The following BMPR1A variants were observed in gnomAD, a reference collection of about 807,000 sequenced individuals.
BMPR1A encodes bone morphogenetic protein receptor type-1A.
A neutral mutation model predicts 66.0 loss-of-function variants in BMPR1A; 7 were observed. The ratio of observed to expected loss-of-function variants is 0.11; its 90% CI spans 0.06 to 0.20. The LOEUF (loss-of-function observed/expected upper bound fraction) is 0.20. BMPR1A is among the 10% of genes least tolerant of loss of function. The pLI is 1.00. For synonymous variants in BMPR1A, 200 were observed against 229.7 expected (o/e 0.87, Z 1.17); for missense variants, 408 against 669.1 (o/e 0.61, Z 4.31).
At chr10:86,774,540 A>G (rs1185678387) in intron 1 of BMPR1A, among the ~76,000 whole-genome samples, 1 of 152,190 alleles carries the variant, frequency 6.6e-6, no homozygotes, top group East Asian at 1.9e-4. Context: ...ATTTTACACA[A>G]AGATTTTTAG....
At chr10:86,900,604 T>C (rs551761072) in intron 7 of BMPR1A, among the ~76,000 whole-genome samples, 2 of 152,240 alleles carry the variant, frequency 1.3e-5, no homozygotes, top group East Asian at 3.9e-4. Flanking sequence ...TGAAACAAGT[T>C]AGTAAACCCA....
At chr10:86,823,128 A>T (rs574824875) in intron 1 of BMPR1A, among the ~76,000 whole-genome samples, 4 of 152,182 alleles carry the variant, frequency 2.6e-5, no homozygotes, top group Admixed American at 2.6e-4. Context: ...GTTTGATGCT[A>T]TTATTAGGCA....
chr10:86,812,111 T>C (rs1841980269), intron 1 of BMPR1A, among the ~76,000 whole-genome samples: 1 of 151,830 alleles, frequency 6.6e-6, no homozygotes, highest in African/African-American at 2.4e-5. Flanking sequence ...TACAGTTCTA[T>C]GAATTTTAAC....
chr10:86,917,068 C>A (rs941664083), intron 8 of BMPR1A, 66 bp from the exon 9 acceptor site: 2 of 1,535,738 alleles, frequency 1.3e-6, no homozygotes, highest in East Asian at 4.7e-5. Flanking sequence ...AGATGGACTA[C>A]CCCTTTGCCA....
intron 2 of BMPR1A, among the ~76,000 whole-genome samples, chr10:86,869,447 AC>A (rs1475374719): frequency 1.5e-5 from 2 of 130,904 alleles, no homozygotes; most frequent in Non-Finnish European, 3.1e-5. Context: ...ACAGAGCAAG[AC>A]TCTGTCTCAA....
At chr10:86,813,127 T>C (rs1052478310) in intron 1 of BMPR1A, among the ~76,000 whole-genome samples, 2 of 152,234 alleles carry the variant, frequency 1.3e-5, no homozygotes, top group Non-Finnish European at 2.9e-5. Flanking sequence ...TTTTTGTTTT[T>C]TGAATTGTTA....
chr10:86,769,095 T>G (rs1564678196), intron 1 of BMPR1A, among the ~76,000 whole-genome samples: 3 of 152,252 alleles, frequency 2.0e-5, no homozygotes, highest in Non-Finnish European at 4.4e-5. Flanking sequence ...TTATTTTAGC[T>G]TCCATGTTAA....
At chr10:86,797,231 A>ATTTT (rs1236270338) in intron 1 of BMPR1A, among the ~76,000 whole-genome samples, 1 of 83,776 alleles carries the variant, frequency 1.2e-5, no homozygotes, top group Non-Finnish European at 2.6e-5. Context: ...AGCCCGGCTA[A>ATTTT]TTTTTTTTTT....
At chr10:86,810,162 G>A (rs889081467) in intron 1 of BMPR1A, among the ~76,000 whole-genome samples, 10 of 151,644 alleles carry the variant, frequency 6.6e-5, no homozygotes, top group Non-Finnish European at 1.5e-4. Flanking sequence ...TTATTTTTTA[G>A]TAGAGACAGG....
At chr10:86,763,533 C>CA (rs1474218429) in intron 1 of BMPR1A, among the ~76,000 whole-genome samples, 1 of 152,118 alleles carries the variant, frequency 6.6e-6, no homozygotes, top group Non-Finnish European at 1.5e-5. Context: ...AATTGAAGGT[C>CA]ATATAATGCT....
intron 2 of BMPR1A, among the ~76,000 whole-genome samples, chr10:86,858,387 T>A (rs1039903860): frequency 2.0e-5 from 3 of 152,208 alleles, no homozygotes; most frequent in African/African-American, 7.2e-5. Context: ...ATTGTGTTTA[T>A]ATCAGTGTTT....
chr10:86,919,143 C>T (rs1457141966), intron 9 of BMPR1A, 29 bp from the exon 10 acceptor site: 1 of 1,613,330 alleles, frequency 6.2e-7, no homozygotes, highest in Non-Finnish European at 8.5e-7. Flanking sequence ...CTGATGATAA[C>T]TAACCTTTTA....
intron 1 of BMPR1A, among the ~76,000 whole-genome samples, chr10:86,781,343 A>G (rs1182787376): frequency 6.6e-6 from 1 of 152,082 alleles, no homozygotes; most frequent in African/African-American, 2.4e-5. Context: ...CTGGCTGTAG[A>G]TAGGTAGATT....
intron 2 of BMPR1A, among the ~76,000 whole-genome samples, chr10:86,870,156 G>A (rs1055283804): frequency 1.3e-5 from 2 of 152,180 alleles, no homozygotes; most frequent in Non-Finnish European, 2.9e-5. Flanking sequence ...CATCTCCAGA[G>A]TCATAGCTGA....
intron 1 of BMPR1A, among the ~76,000 whole-genome samples, chr10:86,835,465 G>A (rs1379356457): frequency 4.7e-4 from 66 of 141,828 alleles, no homozygotes; most frequent in Admixed American, 2.9e-4. Flanking sequence ...GCAGGAGAAT[G>A]GCTTGAACCC....
chr10:86,919,139 A>G (rs952012840), intron 9 of BMPR1A, 33 bp from the exon 10 acceptor site: 1 of 1,612,802 alleles, frequency 6.2e-7, no homozygotes, highest in Non-Finnish European at 8.5e-7. Flanking sequence ...ATCTCTGATG[A>G]TAACTAACCT....
At chr10:86,802,181 C>T (rs1042974770) in intron 1 of BMPR1A, among the ~76,000 whole-genome samples, 2 of 152,174 alleles carry the variant, frequency 1.3e-5, no homozygotes, top group Non-Finnish European at 1.5e-5. Context: ...TGACACAACT[C>T]TGCATATAGC....
At chr10:86,862,142 T>C (rs10887661) in intron 2 of BMPR1A, among the ~76,000 whole-genome samples, 22,594 of 152,138 alleles carry the variant, frequency 0.15, 2,705 homozygotes, top group East Asian at 0.67. Flanking sequence ...AGAAAAATTA[T>C]ATCAAATTAT....
intron 1 of BMPR1A, among the ~76,000 whole-genome samples, chr10:86,759,911 G>C (rs1841005808): frequency 6.6e-6 from 1 of 151,790 alleles, no homozygotes; most frequent in Admixed American, 6.6e-5. Context: ...ATTTTTTTCA[G>C]GAATTTATTT....
Sources: gnomAD v4.1 joint callset for allele counts (sites outside exome capture counted in the v4.1 genomes callset) on GRCh38, gnomAD v4.1.1 for gene constraint, MANE v1.5 for transcripts, NCBI Gene and HGNC (gene_info 2026-07-23, HGNC 2026-07-21) for gene names.